ANK3: variants seen among roughly 807,000 people sequenced by gnomAD.
The protein encoded by ANK3 is ankyrin-3.
A neutral mutation model predicts 370.9 loss-of-function variants in ANK3; 57 were observed. The observed-to-expected ratio is 0.15, with a 90% confidence interval of 0.12 to 0.19. The LOEUF is 0.19. ANK3 is among the 10% of genes least tolerant of loss of function. The probability of loss-of-function intolerance (pLI) is 1.00; values close to 1 mark genes in which losing one functional copy is unlikely to be tolerated. For synonymous variants in ANK3, 1,929 were observed against 1,946.3 expected (o/e 0.99, Z 0.23); for missense variants, 4,439 against 5,302.1 (o/e 0.84, Z 5.06).
At chr10:60,597,149 CAG>C (rs1340069050) in intron 2 of ANK3, among the ~76,000 whole-genome samples, 1 of 152,064 alleles carries the variant, frequency 6.6e-6, no homozygotes, top group Non-Finnish European at 1.5e-5. Context: ...TGTTCTTTTA[CAG>C]AGTTTTAGAC....
Position 60,270,232 on chromosome 10 carries a change from G to A in ANK3, c.415-3C>T. ...ATATACAATGGCGTGAAACCATTCTGCAAAATAAGAAAAAAAATGTTTGTC... is the reference window on the plus strand; with the variant it reads ...ATATACAATGGCGTGAAACCATTCTACAAAATAAGAAAAAAAATGTTTGTC... On this transcript the variant is annotated splice_region_variant and splice_polypyrimidine_tract_variant and intron_variant, in intron 4 of 43. Coordinates refer to ENST00000280772, the MANE Select transcript of ANK3 (RefSeq NM_020987.5). 6.4e-7 allele frequency: 1 copy of A among 1,566,356 alleles called. No individual in the cohort carries two copies. Among genetic ancestry groups the A allele is most frequent in the Admixed American group, 1.9e-5 (1 of 53,370 alleles).
rs1461834253 is a variant in ANK3 at position 60,027,922 on chromosome 10, G to A, written c.*1924C>T. 1 of 152,204 alleles carries A rather than the reference G, an allele frequency of 6.6e-6. No individual in the cohort carries two copies. The highest frequency in any genetic ancestry group is 2.4e-5 in the African/African-American group (1 of 41,444). 9.4% of individuals were successfully genotyped at this position (152,204 alleles called of 1,614,324 possible). On this transcript the variant is annotated 3_prime_UTR_variant, in exon 44 of 44. Coordinates refer to ENST00000280772, the MANE Select transcript of ANK3 (RefSeq NM_020987.5). ...AGGGACAACTTGGCTCTAGCAGGTT[G>A]TTACCTTCTGGGAATGAGGTCCATT... is the stretch of plus-strand genomic sequence containing the variant.
intron 24 of ANK3, 28 bp from the exon 25 acceptor site, chr10:60,134,401 C>G: frequency 6.4e-7 from 1 of 1,565,398 alleles, no homozygotes; most frequent in Non-Finnish European, 8.7e-7. Context: ...AACCATTCAA[C>G]AGTGGTAGAT....
chr10:60,041,689 A>G (rs958546728), intron 43 of ANK3, among the ~76,000 whole-genome samples: 1 of 152,236 alleles, frequency 6.6e-6, no homozygotes, highest in Non-Finnish European at 1.5e-5. Context: ...AGAAAGTCTC[A>G]CAGAAAGAAA....
intron 1 of ANK3, among the ~76,000 whole-genome samples, chr10:60,290,209 G>T (rs1474434548): frequency 6.6e-6 from 1 of 152,100 alleles, no homozygotes; most frequent in African/African-American, 2.4e-5. Context: ...AAAAACCTTG[G>T]ATCTTTAAGA....
chr10:60,662,409 A>G (rs555515958), intron 1 of ANK3, among the ~76,000 whole-genome samples: 1 of 152,334 alleles, frequency 6.6e-6, no homozygotes, highest in Admixed American at 6.5e-5. Flanking sequence ...ATCTTTCTAC[A>G]ACAAAATTCT....
At chr10:60,583,505 T>A (rs1468396074) in intron 2 of ANK3, among the ~76,000 whole-genome samples, 3 of 126,166 alleles carry the variant, frequency 2.4e-5, no homozygotes, top group East Asian at 2.7e-4. Flanking sequence ...TACAGAGAGG[T>A]TTTTTGTTTT....
At chr10:60,051,785 A>ATGCG (rs1554834145) in intron 42 of ANK3, among the ~76,000 whole-genome samples, 1 of 148,184 alleles carries the variant, frequency 6.7e-6, no homozygotes, top group Non-Finnish European at 1.5e-5. Flanking sequence ...TACTCTGTGC[A>ATGCG]TGTGTGTGTG....
At chr10:60,039,059 A>T (rs2075643948) in intron 43 of ANK3, among the ~76,000 whole-genome samples, 1 of 152,176 alleles carries the variant, frequency 6.6e-6, no homozygotes, top group Admixed American at 6.5e-5. Flanking sequence ...CATTTGTCCC[A>T]TTTCTTTTTC....
intron 2 of ANK3, among the ~76,000 whole-genome samples, chr10:60,511,225 C>T (rs536661143): frequency 1.3e-5 from 2 of 152,236 alleles, no homozygotes; most frequent in South Asian, 4.1e-4. Context: ...CTCCTTTCTA[C>T]TCTCAATTTG....
At chr10:60,715,215 A>ATGTGTGTGTG (rs5785463) in intron 1 of ANK3, among the ~76,000 whole-genome samples, 4,030 of 147,238 alleles carry the variant, frequency 0.027, 66 homozygotes, top group Non-Finnish European at 0.036. Flanking sequence ...ACATATACAA[A>ATGTGTGTGTG]TGTGTGTGTG....
chr10:60,676,232 G>T (rs986616226), intron 1 of ANK3, among the ~76,000 whole-genome samples: 5 of 152,126 alleles, frequency 3.3e-5, no homozygotes, highest in Admixed American at 6.5e-5. Context: ...ACTAACAGTA[G>T]ATAATTCTTG....
chr10:60,460,389 T>C (rs774395038), intron 2 of ANK3, among the ~76,000 whole-genome samples: 2 of 152,080 alleles, frequency 1.3e-5, no homozygotes, highest in African/African-American at 2.4e-5. Flanking sequence ...ACATAAGAAA[T>C]TTAAGGCACA....
chr10:60,526,760 T>C (rs2076481752), intron 2 of ANK3, among the ~76,000 whole-genome samples: 1 of 151,920 alleles, frequency 6.6e-6, no homozygotes, highest in Non-Finnish European at 1.5e-5. Flanking sequence ...TATGAAGAAA[T>C]AAAAAAATGT....
chr10:60,197,935 C>T (rs1370435894), intron 14 of ANK3, among the ~76,000 whole-genome samples: 2 of 152,068 alleles, frequency 1.3e-5, no homozygotes, highest in Non-Finnish European at 2.9e-5. Context: ...CAAAAACAAC[C>T]CCAAGAAAAA....
intron 2 of ANK3, among the ~76,000 whole-genome samples, chr10:60,411,693 A>G (rs2063563459): frequency 6.6e-6 from 1 of 152,184 alleles, no homozygotes; most frequent in Non-Finnish European, 1.5e-5. Context: ...GACTGCCTGG[A>G]TATGAATCCC....
intron 2 of ANK3, among the ~76,000 whole-genome samples, chr10:60,456,618 T>C (rs557998626): frequency 9.2e-5 from 14 of 152,160 alleles, no homozygotes; most frequent in Non-Finnish European, 1.6e-4. Context: ...AATAATTCCC[T>C]ACATTTGAGG....
chr10:60,100,150 T>C (rs2090933899), intron 28 of ANK3, among the ~76,000 whole-genome samples: 2 of 151,584 alleles, frequency 1.3e-5, no homozygotes, highest in Admixed American at 6.6e-5. Context: ...ACAGTTTCCT[T>C]TCCTTTCCAA....
chr10:60,135,170 C>T (rs1360588963), intron 24 of ANK3, among the ~76,000 whole-genome samples: 1 of 152,158 alleles, frequency 6.6e-6, no homozygotes, highest in Non-Finnish European at 1.5e-5. Context: ...ACTCTCGTGA[C>T]CTTGCATATA....
Sources: allele counts gnomAD v4.1 joint callset (sites outside exome capture counted in the v4.1 genomes callset), GRCh38; gene constraint gnomAD v4.1.1; transcripts MANE v1.5; gene names NCBI Gene and HGNC (gene_info 2026-07-23, HGNC 2026-07-21).